The following AK4 variants were observed in gnomAD, a reference collection of about 807,000 sequenced individuals.
The protein encoded by AK4 is adenylate kinase 4, mitochondrial.
AK4 carries 13 observed loss-of-function variants against 24.6 expected under a neutral mutation model. The ratio of observed to expected loss-of-function variants is 0.53; its 90% CI spans 0.34 to 0.84. The LOEUF is 0.84. Among genes scored for constraint, AK4 ranks in the 40% least tolerant of loss-of-function variants. The pLI is 0.01. For missense variants in AK4, 192 were observed against 288.2 expected (o/e 0.67, Z 2.42); for synonymous variants, 88 against 107.0 (o/e 0.82, Z 1.10).
intron 1 of AK4, among the ~76,000 whole-genome samples, chr1:65,149,499 C>T (rs528367033): frequency 1.6e-4 from 24 of 152,316 alleles, no homozygotes; most frequent in Middle Eastern, 6.8e-3. Context: ...ATTAGCAACT[C>T]CTTTATGAAA....
intron 3 of AK4, among the ~76,000 whole-genome samples, chr1:65,221,874 C>T (rs926822173): frequency 2.6e-5 from 4 of 152,184 alleles, no homozygotes; most frequent in Non-Finnish European, 5.9e-5. Flanking sequence ...GCTCTACCAG[C>T]TGTGGTGAAG....
chr1:65,162,741 A>G (rs996998682), intron 1 of AK4, among the ~76,000 whole-genome samples: 1 of 152,044 alleles, frequency 6.6e-6, no homozygotes, highest in African/African-American at 2.4e-5. Flanking sequence ...AACGATCACC[A>G]CTATCTAATT....
chr1:65,155,880 G>A (rs933981927), intron 1 of AK4, among the ~76,000 whole-genome samples: 7 of 152,170 alleles, frequency 4.6e-5, no homozygotes, highest in Admixed American at 2.6e-4. Flanking sequence ...GTATTGGCCA[G>A]GCTGGTCTCG....
intron 1 of AK4, among the ~76,000 whole-genome samples, chr1:65,153,028 C>T (rs1166805771): frequency 6.6e-6 from 1 of 152,066 alleles, no homozygotes; most frequent in Non-Finnish European, 1.5e-5. Context: ...ATTCCATTTC[C>T]CCCCCTAGCT....
At chr1:65,177,216 G>A (rs2101019724) in intron 1 of AK4, among the ~76,000 whole-genome samples, 1 of 143,012 alleles carries the variant, frequency 7.0e-6, no homozygotes, top group South Asian at 2.2e-4. Flanking sequence ...TTCCATATGA[G>A]GTCTCTTTTT....
intron 2 of AK4, among the ~76,000 whole-genome samples, chr1:65,199,872 G>T (rs982357567): frequency 1.3e-5 from 2 of 152,138 alleles, no homozygotes; most frequent in African/African-American, 4.8e-5. Flanking sequence ...TGAGGATCAA[G>T]TTGGCACTCA....
At chr1:65,157,771 AG>A (rs1466499224) in intron 1 of AK4, among the ~76,000 whole-genome samples, 6 of 152,130 alleles carry the variant, frequency 3.9e-5, no homozygotes, top group African/African-American at 1.4e-4. Flanking sequence ...CCTGGGCAAC[AG>A]AGCAAGACCC....
chr1:65,186,822 C>G (rs145448709), intron 1 of AK4, among the ~76,000 whole-genome samples: 1 of 152,174 alleles, frequency 6.6e-6, no homozygotes, highest in East Asian at 1.9e-4. Flanking sequence ...AGGTATTACC[C>G]AAGAGAACTG....
chr1:65,199,078 C>T (rs1651577700), intron 2 of AK4, among the ~76,000 whole-genome samples: 1 of 127,792 alleles, frequency 7.8e-6, no homozygotes. Flanking sequence ...CAGAGCGAGA[C>T]TCCGCCTCAA....
intron 2 of AK4, among the ~76,000 whole-genome samples, chr1:65,205,096 C>T (rs1651775978): frequency 6.6e-6 from 1 of 152,150 alleles, no homozygotes; most frequent in Non-Finnish European, 1.5e-5. Context: ...CCTCTCCCCT[C>T]CCTGCAGAAG....
chr1:65,180,486 A>G lies in AK4; in HGVS notation c.146-10224A>G, dbSNP rs150590291. Reference sequence around the variant, plus strand: ...GGATACTGGATGTCTGAAATGAGTCACTTAAGTGCCAAAATGCCTTAAATT... The same window carrying G: ...GGATACTGGATGTCTGAAATGAGTCGCTTAAGTGCCAAAATGCCTTAAATT... On this transcript the variant is annotated intron_variant, in intron 1 of 4. Coordinates refer to ENST00000327299, the MANE Select transcript of AK4 (RefSeq NM_013410.4). Among the ~76,000 whole-genome samples the G allele has an allele frequency of 2.9e-3, 445 of 152,324 alleles. 3 individuals carry two copies. Among genetic ancestry groups the G allele is most frequent in the African/African-American group, 9.7e-3 (403 of 41,596 alleles).
At chr1:65,172,919 A>G (rs1007536973) in intron 1 of AK4, among the ~76,000 whole-genome samples, 2 of 142,586 alleles carry the variant, frequency 1.4e-5, no homozygotes, top group African/African-American at 5.3e-5. Flanking sequence ...CTGGAGTGCA[A>G]TGACATGATC....
chr1:65,195,551 G>C (rs1377811498), intron 2 of AK4, among the ~76,000 whole-genome samples: 1 of 152,164 alleles, frequency 6.6e-6, no homozygotes, highest in African/African-American at 2.4e-5. Context: ...CCTGGAAAGA[G>C]GGTTAGTGTG....
intron 2 of AK4, among the ~76,000 whole-genome samples, chr1:65,195,778 G>A (rs1453806938): frequency 1.3e-5 from 2 of 152,200 alleles, no homozygotes; most frequent in Non-Finnish European, 2.9e-5. Context: ...TGTGACTAGT[G>A]TACAGGTCCT....
At chr1:65,171,742 A>T (rs1650532088) in intron 1 of AK4, among the ~76,000 whole-genome samples, 1 of 151,926 alleles carries the variant, frequency 6.6e-6, no homozygotes, top group Non-Finnish European at 1.5e-5. Context: ...GAAGATTGTC[A>T]TGTCTTTAAG....
chr1:65,206,013 G>A (rs1028769849), intron 2 of AK4, among the ~76,000 whole-genome samples: 6 of 150,138 alleles, frequency 4.0e-5, no homozygotes, highest in East Asian at 4.0e-4. Context: ...CGTGTGGATC[G>A]CTGGATACAG....
chr1:65,191,813 A>C (rs1651317424), intron 2 of AK4, among the ~76,000 whole-genome samples: 1 of 152,130 alleles, frequency 6.6e-6, no homozygotes, highest in African/African-American at 2.4e-5. Flanking sequence ...TGGGGCATGG[A>C]GGAGAGTTGT....
intron 3 of AK4, among the ~76,000 whole-genome samples, chr1:65,219,655 C>T (rs1041273865): frequency 6.6e-6 from 1 of 151,594 alleles, no homozygotes; most frequent in Admixed American, 6.6e-5. Flanking sequence ...TGGAAAATCC[C>T]CTCCCTCACC....
intron 1 of AK4, among the ~76,000 whole-genome samples, chr1:65,156,611 A>ATGTGGGTT (rs1649992536): frequency 6.6e-6 from 1 of 152,166 alleles, no homozygotes; most frequent in Non-Finnish European, 1.5e-5. Context: ...TATAGATGTT[A>ATGTGGGTT]AATGGATTTG....
Sources: gnomAD v4.1 joint callset for allele counts (sites outside exome capture counted in the v4.1 genomes callset) on GRCh38, gnomAD v4.1.1 for gene constraint, MANE v1.5 for transcripts, NCBI Gene and HGNC (gene_info 2026-07-23, HGNC 2026-07-21) for gene names.